F9: variants seen among roughly 807,000 people sequenced by gnomAD.
F9 encodes coagulation factor IX.
F9 carries 2 observed loss-of-function variants against 34.1 expected under a neutral mutation model. That is an observed-to-expected ratio of 0.06 (90% CI 0.02 to 0.18). The LOEUF is 0.18. Among genes scored for constraint, F9 ranks in the 10% least tolerant of loss-of-function variants. The pLI is 1.00. For missense variants in F9, 216 were observed against 345.1 expected, an observed-to-expected ratio of 0.63 and a Z score of 2.96; for synonymous variants, 137 against 118.8, an observed-to-expected ratio of 1.15 and a Z score of -1.00.
At chrX:139,537,334 T>C in intron 2 of F9, 28 bp from the exon 3 acceptor site, 2 of 1,179,858 alleles carry the variant, frequency 1.7e-6, no homozygotes, top group Non-Finnish European at 2.3e-6. Context: ...GATATTACCG[T>C]TAATTTGTCT....
In F9 at chrX:139,532,823, A is replaced by T. The variant is rs4149665; in HGVS notation, c.88+1971A>T. Among the ~76,000 whole-genome samples the T allele has an allele frequency of 4.9e-3, 554 of 112,234 alleles. 5 individuals carry two copies. The highest frequency in any genetic ancestry group is 0.016 in the African/African-American group (500 of 30,914). On this transcript the variant is annotated intron_variant, in intron 1 of 7. Coordinates refer to ENST00000218099, the MANE Select transcript of F9 (RefSeq NM_000133.4). Reference sequence around the variant, plus strand: ...TTGCAAGAACGTGAGGTATTTCAGGAGTTTTGTATGGTTCCATATGGACTA... The same window carrying T: ...TTGCAAGAACGTGAGGTATTTCAGGTGTTTTGTATGGTTCCATATGGACTA...
chrX:139,548,311 T>A, intron 4 of F9, 52 bp from the exon 5 acceptor site: 10 of 1,185,936 alleles, frequency 8.4e-6, no homozygotes, highest in Non-Finnish European at 1.1e-5. Flanking sequence ...CCATGTACTT[T>A]TTAGAAATGC....
chrX:139,547,733 G>A (rs764164146), intron 4 of F9: 1 of 112,060 alleles, frequency 8.9e-6, no homozygotes, highest in South Asian at 3.7e-4. Context: ...GTAATACAGT[G>A]GAATACTACA....
chrX:139,543,934 A>G (rs774680386), intron 4 of F9, among the ~76,000 whole-genome samples: 2 of 111,540 alleles, frequency 1.8e-5, no homozygotes, highest in African/African-American at 3.3e-5. Flanking sequence ...TTGTGCCATT[A>G]TTTTATTTCT....
chrX:139,556,229 A>G (rs1927965267), intron 6 of F9, among the ~76,000 whole-genome samples: 1 of 112,297 alleles, frequency 8.9e-6, no homozygotes, highest in African/African-American at 3.2e-5. Context: ...TGCTTATATT[A>G]AGTTGTAGCA....
At chrX:139,555,045 A>G (rs1208295257) in intron 6 of F9, among the ~76,000 whole-genome samples, 1 of 112,178 alleles carries the variant, frequency 8.9e-6, no homozygotes, top group African/African-American at 3.2e-5. Flanking sequence ...TTAAGGGTGA[A>G]AGTTGCAAGC....
intron 6 of F9, among the ~76,000 whole-genome samples, chrX:139,554,115 G>A (rs1304145272): frequency 9.0e-6 from 1 of 110,505 alleles, no homozygotes; most frequent in African/African-American, 3.3e-5. Flanking sequence ...ACTATGAGAT[G>A]GTGGTTGTGG....
intron 1 of F9, among the ~76,000 whole-genome samples, chrX:139,535,381 A>C (rs1422092068): frequency 9.0e-6 from 1 of 110,805 alleles, no homozygotes; most frequent in Non-Finnish European, 1.9e-5. Flanking sequence ...TGAAGAGAAA[A>C]AGTCTAGGCT....
At chrX:139,538,221 T>C (rs1297961811) in intron 3 of F9, among the ~76,000 whole-genome samples, 1 of 112,269 alleles carries the variant, frequency 8.9e-6, no homozygotes, top group Non-Finnish European at 1.9e-5. Flanking sequence ...TGTTTATTGA[T>C]ATATTCCTAG....
intron 6 of F9, among the ~76,000 whole-genome samples, chrX:139,559,093 A>G (rs1928036918): frequency 8.9e-6 from 1 of 112,743 alleles, no homozygotes; most frequent in Non-Finnish European, 1.9e-5. Flanking sequence ...ATGTTGTATT[A>G]AATGTCTTTA....
chrX:139,544,397 G>A (rs1439523644), intron 4 of F9, among the ~76,000 whole-genome samples: 1 of 110,196 alleles, frequency 9.1e-6, no homozygotes, highest in Non-Finnish European at 1.9e-5. Flanking sequence ...CCATCTTTTT[G>A]GATCATGCCC....
intron 5 of F9, among the ~76,000 whole-genome samples, chrX:139,550,413 G>A (rs1451376636): frequency 8.9e-6 from 1 of 111,999 alleles, no homozygotes; most frequent in African/African-American, 3.2e-5. Context: ...CATTCTGGTA[G>A]TCCCCAGTGT....
At chrX:139,558,175 G>T (rs1928013632) in intron 6 of F9, among the ~76,000 whole-genome samples, 1 of 113,771 alleles carries the variant, frequency 8.8e-6, no homozygotes, top group South Asian at 3.5e-4. Context: ...TCTTGGAAGG[G>T]GGCTTGGCCA....
chrX:139,532,633 G>T (rs1362497002), intron 1 of F9, among the ~76,000 whole-genome samples: 1 of 111,332 alleles, frequency 9.0e-6, no homozygotes, highest in Non-Finnish European at 1.9e-5. Flanking sequence ...TGTGCACTAG[G>T]TACTAAGGGA....
chrX:139,538,164 C>T (rs1265290168), intron 3 of F9, among the ~76,000 whole-genome samples: 2 of 111,917 alleles, frequency 1.8e-5, no homozygotes, highest in African/African-American at 6.5e-5. Flanking sequence ...TTTTCTCCTA[C>T]TCCACTAAAA....
chrX:139,548,244 T>G, intron 4 of F9, 119 bp from the exon 5 acceptor site: 2 of 785,050 alleles, frequency 2.5e-6, no homozygotes, highest in Non-Finnish European at 3.8e-6. Flanking sequence ...CCAACGTATA[T>G]TGGGGGCAAC....
At chrX:139,531,946 G>A (rs1441892282) in intron 1 of F9, among the ~76,000 whole-genome samples, 1 of 112,428 alleles carries the variant, frequency 8.9e-6, no homozygotes, top group African/African-American at 3.2e-5. Flanking sequence ...TCACAAAGCA[G>A]GACATAAAGC....
intron 4 of F9, among the ~76,000 whole-genome samples, chrX:139,548,081 A>T (rs1275284628): frequency 1.8e-5 from 2 of 112,147 alleles, no homozygotes; most frequent in East Asian, 5.6e-4. Flanking sequence ...TAGGGTTTTT[A>T]AACCTGTAGT....
intron 6 of F9, among the ~76,000 whole-genome samples, chrX:139,559,306 G>A (rs1928042252): frequency 1.8e-5 from 2 of 112,676 alleles, no homozygotes; most frequent in South Asian, 7.2e-4. Flanking sequence ...TGTAATCCCA[G>A]CACTTTGGGA....
Sources: gnomAD v4.1 joint callset for allele counts (sites outside exome capture counted in the v4.1 genomes callset) on GRCh38, gnomAD v4.1.1 for gene constraint, MANE v1.5 for transcripts, NCBI Gene and HGNC (gene_info 2026-07-23, HGNC 2026-07-21) for gene names.